KIF26B: variants seen among roughly 807,000 people sequenced by gnomAD.
KIF26B encodes the protein kinesin-like protein KIF26B.
In KIF26B, 63 loss-of-function variants were observed where a neutral mutation model predicts 151.2. That is an observed-to-expected ratio of 0.42 (90% CI 0.34 to 0.51). The LOEUF is 0.51. KIF26B is among the 20% of genes least tolerant of loss of function. KIF26B has a pLI of 0.07. For synonymous variants in KIF26B, 1,357 were observed against 1,262.1 expected, an observed-to-expected ratio of 1.08 and a Z score of -1.59; for missense variants, 2,813 against 2,913.6, an observed-to-expected ratio of 0.97 and a Z score of 0.79.
At chr1:245,347,995 A>C (rs1278076771) in intron 2 of KIF26B, among the ~76,000 whole-genome samples, 1 of 152,182 alleles carries the variant, frequency 6.6e-6, no homozygotes, top group Non-Finnish European at 1.5e-5. Flanking sequence ...TGAAGAATTT[A>C]CCTTCTATGC....
intron 2 of KIF26B, among the ~76,000 whole-genome samples, chr1:245,280,461 A>G (rs1282841747): frequency 4.1e-5 from 6 of 145,658 alleles, no homozygotes; most frequent in African/African-American, 7.7e-5. Flanking sequence ...AACCTGGGAG[A>G]CAGAGCTTGC....
chr1:245,644,900 A>C (rs1427081171), intron 9 of KIF26B, among the ~76,000 whole-genome samples: 1 of 152,234 alleles, frequency 6.6e-6, no homozygotes, highest in Non-Finnish European at 1.5e-5. Context: ...TCTGCAAGCT[A>C]TACAAGAAGC....
At chr1:245,697,306 A>C (rs1276965282) in intron 12 of KIF26B, among the ~76,000 whole-genome samples, 1 of 152,180 alleles carries the variant, frequency 6.6e-6, no homozygotes, top group East Asian at 1.9e-4. Context: ...CATGTGCTTC[A>C]CTAATACCCA....
chr1:245,482,298 C>T (rs1660183714), intron 4 of KIF26B, among the ~76,000 whole-genome samples: 1 of 151,462 alleles, frequency 6.6e-6, no homozygotes, highest in Admixed American at 6.6e-5. Flanking sequence ...CCATATTGTC[C>T]AAGGTGGTCT....
At chr1:245,385,987 G>A (rs923011379) in intron 3 of KIF26B, among the ~76,000 whole-genome samples, 3 of 152,130 alleles carry the variant, frequency 2.0e-5, no homozygotes, top group Admixed American at 1.3e-4. Context: ...GCTATTAACC[G>A]GTGCAGAGAA....
chr1:245,407,679 C>T lies in KIF26B; in HGVS notation c.1000-11900C>T, dbSNP rs373690904. ...TAAAAACAAACAAAACTCCAACAAC[C>T]CCAACCCAACTAAATTAAGTCCATT... On this transcript the variant is annotated intron_variant, in intron 3 of 14. Transcript: ENST00000407071. Among the ~76,000 whole-genome samples, 30 of 152,218 alleles carry T rather than the reference C, an allele frequency of 2.0e-4. 1 individual carries two copies. The South Asian group carries it at 5.4e-3, about 27-fold the overall frequency.
At chr1:245,201,999 T>C (rs550042636) in intron 2 of KIF26B, among the ~76,000 whole-genome samples, 14 of 152,292 alleles carry the variant, frequency 9.2e-5, no homozygotes, top group Non-Finnish European at 1.8e-4. Flanking sequence ...GCAGGAGGCC[T>C]GTTGGTCTAT....
chr1:245,651,828 A>C (rs1020085117), intron 10 of KIF26B, among the ~76,000 whole-genome samples: 3 of 152,104 alleles, frequency 2.0e-5, no homozygotes, highest in African/African-American at 7.2e-5. Context: ...TCTCATCCCC[A>C]AACCATTCCC....
intron 5 of KIF26B, among the ~76,000 whole-genome samples, chr1:245,590,714 C>G (rs1261738662): frequency 6.6e-6 from 1 of 152,062 alleles, no homozygotes; most frequent in Admixed American, 6.6e-5. Context: ...TCAAGACCAG[C>G]CCGGACAACA....
chr1:245,548,522 GTCCACAT>G, intron 5 of KIF26B, among the ~76,000 whole-genome samples: 1 of 152,274 alleles, frequency 6.6e-6, no homozygotes, highest in Admixed American at 6.5e-5. Context: ...AGGAAACAGT[GTCCACAT>G]TCCTCACTGA....
intron 2 of KIF26B, among the ~76,000 whole-genome samples, chr1:245,325,573 T>C (rs1671974032): frequency 6.6e-6 from 1 of 151,918 alleles, no homozygotes; most frequent in South Asian, 2.1e-4. Flanking sequence ...TTAGCGGGCG[T>C]GGTGGTGCAT....
rs2147958304 is a variant in KIF26B at position 245,688,397 on chromosome 1, G to A, written c.5414G>A (p.Ser1805Asn). The stretch of plus-strand genomic sequence containing the variant: ...TCCAAGCTTCCCCTGCGGGCCGTCA[G>A]CGGGCGCATCTCGGAGCTGCTGCAG... The part of the protein sequence containing the change: ...LASKLPLRAV[S>N]GRISELLQGG... Residue 1805 changes from serine (S) to asparagine (N), a missense_variant, in exon 12 of 15, where the codon AGC becomes AAC. Physicochemically the swap from Ser to Asn is conservative, Grantham distance 46. Transcript: ENST00000407071. 2 of 1,514,730 alleles carry A rather than the reference G, an allele frequency of 1.3e-6. No homozygotes were observed. Among genetic ancestry groups the A allele is most frequent in the Non-Finnish European group, 1.8e-6 (2 of 1,138,434 alleles). 93.8% of individuals were successfully genotyped at this position (1,514,730 alleles called of 1,614,324 possible).
In KIF26B at chr1:245,702,890, G is replaced by A. The variant is rs2044791529; in HGVS notation, c.*284G>A. 2.8e-6 allele frequency: 1 copy of A among 358,280 alleles called. No homozygotes were observed. The highest frequency in any genetic ancestry group is 5.0e-6 in the Non-Finnish European group (1 of 199,870). 22.2% of individuals were successfully genotyped at this position (358,280 alleles called of 1,614,324 possible). A position where few individuals can be genotyped will look rare whatever the true frequency, so the allele number is the denominator to read the frequency against. ...TTGAGGAACCTTAAAGACCTTGTTTGTACATAAGAACTGCTAGCAAAAGAG... is the reference window on the plus strand; with the variant it reads ...TTGAGGAACCTTAAAGACCTTGTTTATACATAAGAACTGCTAGCAAAAGAG... On this transcript the variant is annotated 3_prime_UTR_variant, in exon 15 of 15. Coordinates refer to ENST00000407071, the MANE Select transcript of KIF26B (RefSeq NM_018012.4). This position sits in a 1 kb window ranked among gnomAD's most constrained non-coding sequence, Gnocchi z 4.1.
rs1173207814 is a variant in KIF26B at position 245,358,995 on chromosome 1, C to A, written c.466-7839C>A. The stretch of plus-strand genomic sequence containing the variant: ...AACAAGATTTTCAGGGTTGAAGATA[C>A]GCTGATGTGAAATCAGGTTTCTCTC... On this transcript the variant is annotated intron_variant, in intron 2 of 14. Coordinates refer to ENST00000407071, the MANE Select transcript of KIF26B (RefSeq NM_018012.4). The surrounding 1 kb of genome is among the most constrained non-coding windows in gnomAD (Gnocchi z 4.1). Among the ~76,000 whole-genome samples the A allele has an allele frequency of 6.6e-6, 1 of 151,894 alleles. No homozygotes were observed. The highest frequency in any genetic ancestry group is 1.9e-4 in the East Asian group (1 of 5,186).
intron 2 of KIF26B, among the ~76,000 whole-genome samples, chr1:245,212,051 C>A (rs1019820044): frequency 2.6e-5 from 4 of 152,158 alleles, no homozygotes; most frequent in African/African-American, 9.6e-5. Context: ...CCCCCTTAGC[C>A]GTGGCCCAGG....
chr1:245,244,756 T>TCACACACACACACACACACA lies in KIF26B; in HGVS notation c.465+88090_465+88109dup, dbSNP rs55638619. The stretch of plus-strand genomic sequence containing the variant: ...AGAAGGAACACACAGACACGCACAC[T>TCACACACACACACACACACA]CACACACACACACACACACACACAC... On this transcript the variant is annotated intron_variant, in intron 2 of 14. Coordinates refer to ENST00000407071, the MANE Select transcript of KIF26B (RefSeq NM_018012.4). This position sits in a 1 kb window ranked among gnomAD's most constrained non-coding sequence, Gnocchi z 4.2. 1.4e-5 allele frequency among the ~76,000 whole-genome samples: 2 copies of TCACACACACACACACACACA among 144,354 alleles called. No individual in the cohort carries two copies. Among genetic ancestry groups the TCACACACACACACACACACA allele is most frequent in the East Asian group, 2.1e-4 (1 of 4,834 alleles). 94.7% of individuals were successfully genotyped at this position (144,354 alleles called of 152,430 possible). A position where few individuals can be genotyped will look rare whatever the true frequency, so the allele number is the denominator to read the frequency against.
chr1:245,185,802 G>A (rs2103530083), intron 2 of KIF26B, among the ~76,000 whole-genome samples: 1 of 152,110 alleles, frequency 6.6e-6, no homozygotes, highest in South Asian at 2.1e-4. Flanking sequence ...GGGCTGAGCT[G>A]GGTTCTAGTG....
intron 4 of KIF26B, among the ~76,000 whole-genome samples, chr1:245,525,367 A>G (rs1035279992): frequency 5.9e-5 from 9 of 152,210 alleles, no homozygotes; most frequent in African/African-American, 2.2e-4. Context: ...TAAATACAGC[A>G]TTGAACGACT....
At chr1:245,407,267 G>C (rs992691529) in intron 3 of KIF26B, among the ~76,000 whole-genome samples, 1 of 152,120 alleles carries the variant, frequency 6.6e-6, no homozygotes, top group Admixed American at 6.5e-5. Context: ...CTCTGGGTTT[G>C]GTTTCTCCTC....
Sources: gnomAD v4.1 joint callset for allele counts (sites outside exome capture counted in the v4.1 genomes callset) on GRCh38, gnomAD v4.1.1 for gene constraint, Gnocchi (gnomAD v3.1) non-coding constraint, MANE v1.5 for transcripts, NCBI Gene and HGNC (gene_info 2026-07-23, HGNC 2026-07-21) for gene names.